The following PPP1R16B variants were observed in gnomAD, a reference collection of about 807,000 sequenced individuals.
PPP1R16B encodes protein phosphatase 1 regulatory subunit 16B.
Under a neutral mutation model 61.7 loss-of-function variants are expected in PPP1R16B, and 14 were observed. The observed-to-expected ratio is 0.23, with a 90% CI of 0.15 to 0.35. PPP1R16B has a LOEUF of 0.35. Ranked by LOEUF, PPP1R16B falls within the 10% of genes least tolerant of loss-of-function variation. The pLI is 1.00. For missense variants in PPP1R16B, 547 were observed against 752.5 expected (o/e 0.73, Z 3.19); for synonymous variants, 266 against 305.3 (o/e 0.87, Z 1.34).
chr20:38,855,355 A>G (rs1170315654), intron 2 of PPP1R16B, among the ~76,000 whole-genome samples: 1 of 150,722 alleles, frequency 6.6e-6, no homozygotes, highest in Non-Finnish European at 1.5e-5. Context: ...TTCCCTTGTT[A>G]TTAAAAAAAA....
chr20:38,906,921 C>T, intron 7 of PPP1R16B, 58 bp from the exon 8 acceptor site: 2 of 1,478,206 alleles, frequency 1.4e-6, no homozygotes, highest in South Asian at 2.3e-5. Flanking sequence ...CTCTCTCCAC[C>T]TCCTAGGCTT....
chr20:38,881,732 A>G (rs1040764798), intron 2 of PPP1R16B, among the ~76,000 whole-genome samples: 2 of 152,134 alleles, frequency 1.3e-5, no homozygotes, highest in Non-Finnish European at 2.9e-5. Flanking sequence ...CTATCACATG[A>G]TGTTCTGGAA....
At chr20:38,899,430 G>A (rs2085374880) in intron 4 of PPP1R16B, among the ~76,000 whole-genome samples, 1 of 152,196 alleles carries the variant, frequency 6.6e-6, no homozygotes, top group Admixed American at 6.5e-5. Flanking sequence ...AGATTCCCAT[G>A]CCCTACCCCA....
intron 10 of PPP1R16B, among the ~76,000 whole-genome samples, chr20:38,913,543 G>A (rs924008687): frequency 2.6e-5 from 4 of 152,334 alleles, no homozygotes; most frequent in South Asian, 4.1e-4. Flanking sequence ...TTACGGGCGT[G>A]AGCCACCATG....
intron 2 of PPP1R16B, among the ~76,000 whole-genome samples, chr20:38,857,112 C>T (rs2085013766): frequency 6.6e-6 from 1 of 152,200 alleles, no homozygotes; most frequent in Non-Finnish European, 1.5e-5. Flanking sequence ...AATCAGTCTT[C>T]CCCAGGGTGC....
At chr20:38,877,738 T>C (rs944953542) in intron 2 of PPP1R16B, among the ~76,000 whole-genome samples, 4 of 152,190 alleles carry the variant, frequency 2.6e-5, no homozygotes, top group Non-Finnish European at 5.9e-5. Flanking sequence ...CTGATCTGCT[T>C]TCTGTTTATA....
intron 2 of PPP1R16B, among the ~76,000 whole-genome samples, chr20:38,882,034 C>T (rs1282114744): frequency 6.6e-6 from 1 of 152,188 alleles, no homozygotes; most frequent in Non-Finnish European, 1.5e-5. Flanking sequence ...TAAACTGGAG[C>T]AATAATCGCA....
At chr20:38,817,454 A>G (rs182680768) in intron 1 of PPP1R16B, among the ~76,000 whole-genome samples, 1 of 151,588 alleles carries the variant, frequency 6.6e-6, no homozygotes, top group Admixed American at 6.6e-5. Flanking sequence ...AATCCCAGTT[A>G]CTCAGGAGGC....
intron 1 of PPP1R16B, among the ~76,000 whole-genome samples, chr20:38,833,154 A>C (rs944926040): frequency 6.6e-6 from 1 of 152,236 alleles, no homozygotes. Context: ...GCATGCAGCA[A>C]TGTGGATGAA....
intron 2 of PPP1R16B, among the ~76,000 whole-genome samples, chr20:38,864,627 G>GC: frequency 6.6e-6 from 1 of 152,226 alleles, no homozygotes; most frequent in South Asian, 2.1e-4. Flanking sequence ...ACCGTAAGCT[G>GC]CCCCCCACTG....
rs1201021963 is a variant in PPP1R16B, at chr20:38,907,911, G to A, written c.1004G>A (p.Arg335Lys). 17 of 1,614,116 alleles carry A rather than the reference G, an allele frequency of 1.1e-5. No homozygotes were observed. Among genetic ancestry groups the A allele is most frequent in the Non-Finnish European group, 1.4e-5 (16 of 1,180,042 alleles). Residue 335 changes from arginine (R) to lysine (K), a missense_variant, in exon 9 of 11, where the codon AGG becomes AAG. By Grantham distance (26) the Arg-to-Lys change is conservative. Coordinates refer to ENST00000299824, the MANE Select transcript of PPP1R16B (RefSeq NM_015568.4). This position sits in a 1 kb window ranked among gnomAD's most constrained non-coding sequence, Gnocchi z 4.5. ...AGGCACAAGTCATCCTTGAGCCGGA[G>A]GACCTCCAGCGCAGGCAGCCGTGGG... is the stretch of plus-strand genomic sequence containing the variant. ...QLRHKSSLSR[R>K]TSSAGSRGKV...
At chr20:38,912,696 T>G (rs1156508420) in intron 10 of PPP1R16B, among the ~76,000 whole-genome samples, 1 of 151,524 alleles carries the variant, frequency 6.6e-6, no homozygotes, top group African/African-American at 2.4e-5. Context: ...TAAAAATAAA[T>G]AAATGTAGAT....
chr20:38,906,749 C>T (rs560738659), intron 7 of PPP1R16B, among the ~76,000 whole-genome samples: 1 of 152,180 alleles, frequency 6.6e-6, no homozygotes, highest in Non-Finnish European at 1.5e-5. Context: ...TTACAGCCAA[C>T]TCTTTCTTCT....
chr20:38,858,262 G>T lies in PPP1R16B; in HGVS notation c.250+22087G>T, dbSNP rs1045606891. 6.6e-5 allele frequency among the ~76,000 whole-genome samples: 10 copies of T among 152,212 alleles called. No individual in the cohort carries two copies. The East Asian group carries it at 1.5e-3, about 24-fold the overall frequency. On this transcript the variant is annotated intron_variant, in intron 2 of 10. Transcript: ENST00000299824. ...GTGTAGTCTATAGCAGGCACTTTCTGTGGCTGGGCAAGACAGCTGTCTTCT... is the reference window on the plus strand; with the variant it reads ...GTGTAGTCTATAGCAGGCACTTTCTTTGGCTGGGCAAGACAGCTGTCTTCT...
At chr20:38,828,717 C>A (rs1418016758) in intron 1 of PPP1R16B, among the ~76,000 whole-genome samples, 1 of 152,204 alleles carries the variant, frequency 6.6e-6, no homozygotes, top group African/African-American at 2.4e-5. Flanking sequence ...ACGTGCCTAG[C>A]CTCAACCACT....
rs116858733 is a variant in PPP1R16B, at chr20:38,828,844, G to A, written c.-101-6981G>A. ...AACCAGTGCCTCTGTAGTTTTCCCA[G>A]AGGTATATTTATTCCCCCAAATAAC... On this transcript the variant is annotated intron_variant, in intron 1 of 10. Coordinates refer to ENST00000299824, the MANE Select transcript of PPP1R16B (RefSeq NM_015568.4). 6.4e-3 allele frequency among the ~76,000 whole-genome samples: 971 copies of A among 152,328 alleles called. 1 individual carries two copies. Among genetic ancestry groups the A allele is most frequent in the Non-Finnish European group, 0.011 (749 of 68,034 alleles).
intron 10 of PPP1R16B, among the ~76,000 whole-genome samples, chr20:38,912,042 C>T (rs951380042): frequency 4.0e-5 from 6 of 151,710 alleles, no homozygotes; most frequent in African/African-American, 1.5e-4. Flanking sequence ...GTGCCTTGTA[C>T]CTGTCTGCTT....
Position 38,918,985 on chromosome 20 carries a change from A to G in PPP1R16B, c.*319A>G, listed in dbSNP as rs144754784. 80 of 282,604 alleles carry G rather than the reference A, an allele frequency of 2.8e-4. No homozygotes were observed. Among genetic ancestry groups the G allele is most frequent in the Non-Finnish European group, 4.4e-4 (66 of 150,638 alleles). 17.5% of individuals were successfully genotyped at this position (282,604 alleles called of 1,614,324 possible). The stretch of plus-strand genomic sequence containing the variant: ...GGTATAAAGGCTTCTCCGGATCAGT[A>G]CATGCATGTCACATTAACACACACA... On this transcript the variant is annotated 3_prime_UTR_variant, in exon 11 of 11. Coordinates refer to ENST00000299824, the MANE Select transcript of PPP1R16B (RefSeq NM_015568.4). This position sits in a 1 kb window ranked among gnomAD's most constrained non-coding sequence, Gnocchi z 5.3.
At chr20:38,829,920 G>A (rs1320136687) in intron 1 of PPP1R16B, among the ~76,000 whole-genome samples, 2 of 152,256 alleles carry the variant, frequency 1.3e-5, no homozygotes, top group African/African-American at 4.8e-5. Flanking sequence ...GGGCAAGGTG[G>A]GAGGGGCTCG....
Sources: gnomAD v4.1 joint callset for allele counts (sites outside exome capture counted in the v4.1 genomes callset) on GRCh38, gnomAD v4.1.1 for gene constraint, Gnocchi (gnomAD v3.1) non-coding constraint, MANE v1.5 for transcripts, NCBI Gene and HGNC (gene_info 2026-07-23, HGNC 2026-07-21) for gene names.